The following ZNF799 variants were observed in gnomAD, a reference collection of about 807,000 sequenced individuals.
ZNF799 encodes the protein zinc finger protein 14.
A neutral mutation model predicts 41.0 loss-of-function variants in ZNF799; 28 were observed. The observed-to-expected ratio is 0.68, with a 90% confidence interval of 0.51 to 0.94. The LOEUF (loss-of-function observed/expected upper bound fraction) is 0.94, where lower values mean the gene tolerates loss of function less well. Ranked by LOEUF, ZNF799 falls within the 40% of genes least tolerant of loss-of-function variation. The pLI is 0.00. For missense variants in ZNF799, 716 were observed against 764.3 expected, an observed-to-expected ratio of 0.94 and a Z score of 0.74; for synonymous variants, 213 against 252.9, an observed-to-expected ratio of 0.84 and a Z score of 1.50.
At chr19:12,407,427 C>T in the ZNF799 span, among the ~76,000 whole-genome samples, 1 of 150,326 alleles carries the variant, frequency 6.7e-6, no homozygotes, top group African/African-American at 2.5e-5. Flanking sequence ...CCTGTCACTG[C>T]ACTCCAGCCT....
At chr19:12,405,616 T>G (rs939444957), upstream of ZNF799, among the ~76,000 whole-genome samples, 6 of 152,328 alleles carry the variant, frequency 3.9e-5, no homozygotes, top group African/African-American at 1.4e-4. Flanking sequence ...TCCAGAAATC[T>G]GTCAGAACAC....
At chr19:12,392,516 G>A (rs1969840304) in intron 3 of ZNF799, 87 bp downstream of exon 3, 5 of 1,295,472 alleles carry the variant, frequency 3.9e-6, no homozygotes, top group South Asian at 2.6e-5. Flanking sequence ...AGCTAGGCTT[G>A]TTCATTTTCT....
intron 1 of ZNF799, among the ~76,000 whole-genome samples, chr19:12,399,815 AT>A (rs933905352): frequency 6.6e-6 from 1 of 151,722 alleles, no homozygotes; most frequent in African/African-American, 2.4e-5. Context: ...AGCTAATTTT[AT>A]TATTATCATT....
intron 1 of ZNF799, among the ~76,000 whole-genome samples, chr19:12,397,925 TG>T (rs1338359594): frequency 2.0e-5 from 3 of 152,028 alleles, no homozygotes; most frequent in Non-Finnish European, 2.9e-5. Context: ...TATAAAGGTA[TG>T]AAAAAATATA....
chr19:12,391,831 T>G lies in ZNF799; in HGVS notation c.567A>C (p.Ala189=). 1 of 1,614,226 alleles carries G rather than the reference T, an allele frequency of 6.2e-7. No individual in the cohort carries two copies. The highest frequency in any genetic ancestry group is 1.1e-5 in the South Asian group (1 of 91,086). ...SSLGNLQRHM[A]VQRGDGPYKC... Reference sequence around the variant, plus strand: ...TATAAGGTCCATCTCCACGCTGCACTGCCATGTGTCTTTGAAGGTTTCCCA... The same window carrying G: ...TATAAGGTCCATCTCCACGCTGCACGGCCATGTGTCTTTGAAGGTTTCCCA... The change falls in exon 4 of 4, where the codon GCA becomes GCC. Residue 189 remains alanine, a synonymous_variant. Transcript: ENST00000430385.
chr19:12,399,331 C>T (rs950876842), intron 1 of ZNF799, among the ~76,000 whole-genome samples: 2 of 152,126 alleles, frequency 1.3e-5, no homozygotes, highest in African/African-American at 4.8e-5. Flanking sequence ...ATATAACTTT[C>T]TACCTTTTAA....
At chr19:12,397,480 T>G (rs191650788) in intron 1 of ZNF799, among the ~76,000 whole-genome samples, 20 of 148,700 alleles carry the variant, frequency 1.3e-4, no homozygotes, top group African/African-American at 4.0e-4. Context: ...AGGGAGGATC[T>G]CCTGAGCCCA....
upstream of ZNF799, among the ~76,000 whole-genome samples, chr19:12,401,909 T>G (rs1969995705): frequency 6.6e-6 from 1 of 152,202 alleles, no homozygotes; most frequent in Admixed American, 6.5e-5. Context: ...TTTTTCAAAA[T>G]ATTTCAATGT....
Position 12,391,458 on chromosome 19 carries a change from A to G in ZNF799, c.940T>C (p.Cys314Arg), listed in dbSNP as rs1199247721. 1 of 1,614,098 alleles carries G rather than the reference A, an allele frequency of 6.2e-7. No individual in the cohort carries two copies. Among genetic ancestry groups the G allele is most frequent in the Admixed American group, 1.7e-5 (1 of 60,008 alleles). The change falls in exon 4 of 4, where the codon TGT (cysteine) becomes CGT (arginine). Residue 314 changes from cysteine to arginine, a missense_variant. Cys to Arg is a radical substitution (Grantham distance 180). This residue lies in a region of ZNF799 where 698 missense variants were observed against 713.6 expected (regional missense o/e 0.98). Transcript: ENST00000430385. The stretch of plus-strand genomic sequence containing the variant: ...CCCAGATGATGAAACGCTTTCCCAC[A>G]TTGCTGACATGCATAGGGTTTCTCA... ...TDEKPYACQQ[C>R]GKAFHHLGSF...
chr19:12,411,079 C>T, the ZNF799 span, among the ~76,000 whole-genome samples: 1 of 152,188 alleles, frequency 6.6e-6, no homozygotes, highest in South Asian at 2.1e-4. Flanking sequence ...CAACATTGCC[C>T]TTGCACTGCA....
chr19:12,406,768 C>T, the ZNF799 span, among the ~76,000 whole-genome samples: 3 of 151,844 alleles, frequency 2.0e-5, no homozygotes, highest in East Asian at 2.0e-4. Context: ...GACATGGTGG[C>T]GGGCGCCTGT....
the ZNF799 span, among the ~76,000 whole-genome samples, chr19:12,406,598 T>C: frequency 2.0e-5 from 3 of 147,870 alleles, no homozygotes; most frequent in Non-Finnish European, 4.5e-5. Context: ...AGGGATAAAA[T>C]AATATTAATT....
chr19:12,407,289 C>A, the ZNF799 span, among the ~76,000 whole-genome samples: 5 of 152,026 alleles, frequency 3.3e-5, no homozygotes, highest in African/African-American at 1.2e-4. Flanking sequence ...CATGGTGAAA[C>A]TCCATCTCTA....
chr19:12,402,973 TCTC>T (rs1335808684), upstream of ZNF799, among the ~76,000 whole-genome samples: 7 of 152,344 alleles, frequency 4.6e-5, no homozygotes, highest in South Asian at 6.2e-4. Flanking sequence ...AGTATTGCCT[TCTC>T]CTCTGTTTTG....
At chr19:12,412,650 A>T in the ZNF799 span, among the ~76,000 whole-genome samples, 2 of 152,006 alleles carry the variant, frequency 1.3e-5, no homozygotes, top group Admixed American at 1.3e-4. Flanking sequence ...ACCAGGAAAA[A>T]GAAAAACCTA....
chr19:12,403,806 C>T (rs959553814), upstream of ZNF799, among the ~76,000 whole-genome samples: 3 of 152,160 alleles, frequency 2.0e-5, no homozygotes, highest in African/African-American at 7.2e-5. Flanking sequence ...CTCACCTCGG[C>T]CTCCCAAAGT....
In ZNF799 at chr19:12,401,239, C is replaced by T. The variant is rs1292300758; in HGVS notation, c.-169G>A. ...AGAAGACGCCGCGGGCTTTTTCAAC[C>T]ACACACTCCTCTGGGAAGCGCGCCT... On this transcript the variant is annotated 5_prime_UTR_variant, in exon 1 of 4. Transcript: ENST00000430385. 1 of 1,448,410 alleles carries T rather than the reference C, an allele frequency of 6.9e-7. No homozygotes were observed. The highest frequency in any genetic ancestry group is 9.2e-7 in the Non-Finnish European group (1 of 1,088,476). The allele number at this position is 1,448,410 out of a possible 1,614,324, so 89.7% of individuals were successfully genotyped here.
chr19:12,390,303 C>G lies in ZNF799; in HGVS notation c.*163G>C, dbSNP rs1345426514. 2 of 1,312,650 alleles carry G rather than the reference C, an allele frequency of 1.5e-6. No individual in the cohort carries two copies. Among genetic ancestry groups the G allele is most frequent in the East Asian group, 2.5e-5 (1 of 40,266 alleles). 81.3% of individuals were successfully genotyped at this position (1,312,650 alleles called of 1,614,324 possible). A position where few individuals can be genotyped will look rare whatever the true frequency, so the allele number is the denominator to read the frequency against. Reference sequence around the variant, plus strand: ...ACGGAGTGCTGGAACCAATACCCAGCAGGTATCAAGGGATGACTGTACTGG... The same window carrying G: ...ACGGAGTGCTGGAACCAATACCCAGGAGGTATCAAGGGATGACTGTACTGG... On this transcript the variant is annotated 3_prime_UTR_variant, in exon 4 of 4. Coordinates refer to ENST00000430385, the MANE Select transcript of ZNF799 (RefSeq NM_001080821.3).
chr19:12,401,213 G>C lies in ZNF799; in HGVS notation c.-143C>G. 2 of 1,520,500 alleles carry C rather than the reference G, an allele frequency of 1.3e-6. No homozygotes were observed. Among genetic ancestry groups the C allele is most frequent in the African/African-American group, 1.4e-5 (1 of 72,870 alleles). 94.2% of individuals were successfully genotyped at this position (1,520,500 alleles called of 1,614,324 possible). On this transcript the variant is annotated 5_prime_UTR_variant, in exon 1 of 4. Coordinates refer to ENST00000430385, the MANE Select transcript of ZNF799 (RefSeq NM_001080821.3). ...ACCGAGCGCCCAGCGCAGGTGGGTG[G>C]AGAAGACGCCGCGGGCTTTTTCAAC... is the stretch of plus-strand genomic sequence containing the variant.
Sources: gnomAD v4.1 joint callset for allele counts (sites outside exome capture counted in the v4.1 genomes callset) on GRCh38, gnomAD v4.1.1 for gene constraint, gnomAD v4.1.1 regional missense constraint, MANE v1.5 for transcripts, NCBI Gene and HGNC (gene_info 2026-07-23, HGNC 2026-07-21) for gene names.